MYLK: variants seen among roughly 807,000 people sequenced by gnomAD.
MYLK encodes the protein myosin light chain kinase.
MYLK carries 106 observed loss-of-function variants against 203.4 expected under a neutral mutation model. The observed-to-expected ratio is 0.52, with a 90% confidence interval of 0.45 to 0.61. The LOEUF is 0.61. Among genes scored for constraint, MYLK ranks in the 20% least tolerant of loss-of-function variants. The pLI is 0.00. For synonymous variants in MYLK, 867 were observed against 959.5 expected, an observed-to-expected ratio of 0.90 and a Z score of 1.78; for missense variants, 2,072 against 2,442.3, an observed-to-expected ratio of 0.85 and a Z score of 3.20.
intron 4 of MYLK, among the ~76,000 whole-genome samples, chr3:123,774,919 G>A (rs751238165): frequency 2.0e-5 from 3 of 152,100 alleles, no homozygotes; most frequent in Admixed American, 6.5e-5. Context: ...ACCCTTCACC[G>A]TTACTGTGCT....
At chr3:123,619,196 C>G (rs528598478) in intron 32 of MYLK, among the ~76,000 whole-genome samples, 2 of 152,326 alleles carry the variant, frequency 1.3e-5, no homozygotes, top group South Asian at 4.1e-4. Flanking sequence ...GAGTCAGGTC[C>G]TAGCCGCATC....
intron 3 of MYLK, among the ~76,000 whole-genome samples, chr3:123,828,213 A>C (rs1413129197): frequency 6.6e-6 from 1 of 152,156 alleles, no homozygotes. Flanking sequence ...ATATACTACA[A>C]AGCTGTAGTA....
chr3:123,806,408 G>C (rs1036981481), intron 3 of MYLK, among the ~76,000 whole-genome samples: 4 of 152,186 alleles, frequency 2.6e-5, no homozygotes, highest in African/African-American at 9.7e-5. Context: ...CTGATCTAGG[G>C]AGATGGTGGT....
chr3:123,863,013 AC>A (rs1437462774), intron 2 of MYLK, among the ~76,000 whole-genome samples: 2 of 152,124 alleles, frequency 1.3e-5, no homozygotes, highest in Non-Finnish European at 2.9e-5. Context: ...TGGTTTAAAT[AC>A]GGGCTCTGCA....
At chr3:123,673,161 C>CTTTTTTTTTTTTTTT (rs761090869) in intron 20 of MYLK, among the ~76,000 whole-genome samples, 1 of 136,962 alleles carries the variant, frequency 7.3e-6, no homozygotes, top group African/African-American at 2.8e-5. Flanking sequence ...TTTTTCTTTT[C>CTTTTTTTTTTTTTTT]TTTTTTTTTT....
At position 123,735,603 on chromosome 3, in the gene MYLK, C is replaced by G. The variant is rs1290476214; in HGVS notation, c.755-187G>C. 7.1e-5 allele frequency: 46 copies of G among 650,536 alleles called. No homozygotes were observed. The Middle Eastern group carries it at 1.5e-3, about 22-fold the overall frequency. 40.3% of individuals were successfully genotyped at this position (650,536 alleles called of 1,614,324 possible). On this transcript the variant is annotated intron_variant, in intron 8 of 33. Transcript: ENST00000360304. ...GAGTACATTGTCAAAGCTTCAGGTT[C>G]TGTCCTTTGGGCTTCTTAATAGTGG...
intron 2 of MYLK, among the ~76,000 whole-genome samples, chr3:123,875,227 A>C (rs1042913414): frequency 1.3e-5 from 2 of 152,236 alleles, no homozygotes; most frequent in Non-Finnish European, 2.9e-5. Flanking sequence ...ATGTCCTTCA[A>C]CTGGGGAATA....
chr3:123,858,933 C>T (rs952553469), intron 2 of MYLK, among the ~76,000 whole-genome samples: 2 of 152,146 alleles, frequency 1.3e-5, no homozygotes, highest in African/African-American at 4.8e-5. Context: ...AGTCAGCTGG[C>T]TTGTCCCTAA....
chr3:123,723,480 T>C (rs2062165888), intron 12 of MYLK, among the ~76,000 whole-genome samples: 1 of 152,238 alleles, frequency 6.6e-6, no homozygotes, highest in Non-Finnish European at 1.5e-5. Flanking sequence ...TCCAAACCTC[T>C]CTTCCTTGAC....
chr3:123,745,223 T>C (rs116471535), intron 5 of MYLK, among the ~76,000 whole-genome samples: 2,222 of 152,220 alleles, frequency 0.015, 49 homozygotes, highest in African/African-American at 0.051. Context: ...AAAAGATTCT[T>C]GCTGTGAAGC....
intron 13 of MYLK, 27 bp from the exon 14 acceptor site, chr3:123,709,920 G>A: frequency 6.2e-7 from 1 of 1,613,322 alleles, no homozygotes; most frequent in Middle Eastern, 1.7e-4. Context: ...AGAACGTGGG[G>A]TGAACATTCA....
chr3:123,626,043 T>A (rs2058131375), intron 31 of MYLK, among the ~76,000 whole-genome samples: 1 of 152,154 alleles, frequency 6.6e-6, no homozygotes, highest in Non-Finnish European at 1.5e-5. Flanking sequence ...TTCCTAACCT[T>A]TTCTCTGCCT....
chr3:123,715,555 T>C (rs1370453711), intron 13 of MYLK, among the ~76,000 whole-genome samples: 2 of 152,366 alleles, frequency 1.3e-5, no homozygotes, highest in East Asian at 3.9e-4. Context: ...AAAGCTTTTA[T>C]TTAGAGGAAG....
intron 3 of MYLK, among the ~76,000 whole-genome samples, chr3:123,821,534 T>C (rs968683627): frequency 4.6e-5 from 7 of 152,220 alleles, no homozygotes; most frequent in Admixed American, 1.3e-4. Context: ...ACCCTTGATC[T>C]GCAGGCCTCC....
rs763303731 is a variant in MYLK at position 123,629,567 on chromosome 3, G to A, written c.5021C>T (p.Thr1674Ile). 1.2e-6 allele frequency: 2 copies of A among 1,614,226 alleles called. No individual in the cohort carries two copies. Among genetic ancestry groups the A allele is most frequent in the Non-Finnish European group, 1.7e-6 (2 of 1,180,048 alleles). Residue 1674 changes from threonine (T) to isoleucine (I), a missense_variant, in exon 30 of 34, where the codon ACC becomes ATC. By Grantham distance (89) the Thr-to-Ile change is moderately conservative. Around this residue, in one of 3 missense-constraint regions of MYLK, gnomAD observed 524 missense variants for 782.4 expected, o/e 0.67. Coordinates refer to ENST00000360304, the MANE Select transcript of MYLK (RefSeq NM_053025.4). This position sits in a 1 kb window ranked among gnomAD's most constrained non-coding sequence, Gnocchi z 4.4. Reference sequence around the variant, plus strand: ...GTCGTCGAAGTCCCAGGTGGCTGAGGTAACGTTGGCCAAGGTTTCGTTATC... The same window carrying A: ...GTCGTCGAAGTCCCAGGTGGCTGAGATAACGTTGGCCAAGGTTTCGTTATC... ...DNDNETLANV[T>I]SATWDFDDEA...
chr3:123,789,089 A>G (rs1180932278), intron 4 of MYLK, among the ~76,000 whole-genome samples: 3 of 152,172 alleles, frequency 2.0e-5, no homozygotes, highest in African/African-American at 7.2e-5. Context: ...CATGGGCAAC[A>G]GAGCAGCTAG....
In MYLK at chr3:123,640,202, G is replaced by A. The variant is rs1473845451; in HGVS notation, c.4837+85C>T. ...TGGTCTCGGATTTAACCCCAATACT[G>A]TATGTTTCCTCTCACACTCAGTGTG... On this transcript the variant is annotated intron_variant, in intron 28 of 33. Coordinates refer to ENST00000360304, the MANE Select transcript of MYLK (RefSeq NM_053025.4). The surrounding 1 kb of genome is among the most constrained non-coding windows in gnomAD (Gnocchi z 4.3). 6.2e-6 allele frequency: 8 copies of A among 1,291,856 alleles called. No homozygotes were observed. Among genetic ancestry groups the A allele is most frequent in the African/African-American group, 2.9e-5 (2 of 68,092 alleles). The allele number at this position is 1,291,856 out of a possible 1,614,324, so 80.0% of individuals were successfully genotyped here. A position where few individuals can be genotyped will look rare whatever the true frequency, so the allele number is the denominator to read the frequency against.
chr3:123,651,646 G>A (rs1254532716), intron 24 of MYLK, among the ~76,000 whole-genome samples: 1 of 152,198 alleles, frequency 6.6e-6, no homozygotes, highest in Non-Finnish European at 1.5e-5. Context: ...CCTGGTGTCA[G>A]GAGAAGCAGT....
intron 3 of MYLK, among the ~76,000 whole-genome samples, chr3:123,805,922 C>CAT (rs143674553): frequency 0.039 from 5,913 of 152,238 alleles, 152 homozygotes; most frequent in Non-Finnish European, 0.061. Context: ...CCATGTCTGG[C>CAT]ATGTAGCAAG....
Sources: allele counts gnomAD v4.1 joint callset (sites outside exome capture counted in the v4.1 genomes callset), GRCh38; gene constraint gnomAD v4.1.1; regional missense constraint gnomAD v4.1.1; non-coding constraint Gnocchi (gnomAD v3.1); transcripts MANE v1.5; gene names NCBI Gene and HGNC (gene_info 2026-07-23, HGNC 2026-07-21).